The following CHRNA7 variants were observed in gnomAD, a reference collection of about 807,000 sequenced individuals.
CHRNA7 encodes cholinergic receptor nicotinic alpha 7 subunit, also known as neuronal acetylcholine receptor subunit alpha-7.
In CHRNA7, 17 loss-of-function variants were observed where a neutral mutation model predicts 48.0. That is an observed-to-expected ratio of 0.35 (90% CI 0.24 to 0.53). The LOEUF (loss-of-function observed/expected upper bound fraction) is 0.53, where lower values mean the gene tolerates loss of function less well. CHRNA7 is among the 20% of genes least tolerant of loss of function. The probability of loss-of-function intolerance (pLI) is 0.92; values close to 1 mark genes in which losing one functional copy is unlikely to be tolerated. For missense variants in CHRNA7, 155 were observed against 577.7 expected (o/e 0.27, Z 7.50); for synonymous variants, 75 against 242.3 (o/e 0.31, Z 6.41).
intron 3 of CHRNA7, among the ~76,000 whole-genome samples, chr15:32,105,393 ATGGAGGAGGAGTTGGAGGAGG>A (rs2050647709): frequency 6.7e-6 from 1 of 149,620 alleles, no homozygotes; most frequent in Non-Finnish European, 1.5e-5. Context: ...AGGAGGAAAA[ATGGAGGAGGAGTTGGAGGAGG>A]TGGAGGAGGA....
chr15:32,041,598 C>T (rs949958091), intron 2 of CHRNA7, among the ~76,000 whole-genome samples: 1 of 152,188 alleles, frequency 6.6e-6, no homozygotes, highest in African/African-American at 2.4e-5. Context: ...GTTGGGGAAC[C>T]CTGCTCTACT....
chr15:32,123,219 G>A (rs2051004106), intron 4 of CHRNA7, among the ~76,000 whole-genome samples: 1 of 152,198 alleles, frequency 6.6e-6, no homozygotes, highest in African/African-American at 2.4e-5. Flanking sequence ...AGAAGTAGAA[G>A]AAGTAACAGC....
At chr15:32,047,027 A>G (rs1271552628) in intron 2 of CHRNA7, among the ~76,000 whole-genome samples, 1 of 140,850 alleles carries the variant, frequency 7.1e-6, no homozygotes, top group Non-Finnish European at 1.5e-5. Flanking sequence ...CCATTGGTCT[A>G]TATCTCTGTT....
chr15:32,037,149 ATT>A (rs1902130500), intron 2 of CHRNA7, among the ~76,000 whole-genome samples: 1 of 152,058 alleles, frequency 6.6e-6, no homozygotes. Flanking sequence ...TTTGCATGTG[ATT>A]GTCCAGTTGT....
intron 2 of CHRNA7, among the ~76,000 whole-genome samples, chr15:32,095,129 A>G (rs949293641): frequency 1.3e-5 from 2 of 152,252 alleles, no homozygotes; most frequent in Non-Finnish European, 2.9e-5. Flanking sequence ...TGTGATATCT[A>G]TAGTTTTCAC....
intron 4 of CHRNA7, among the ~76,000 whole-genome samples, chr15:32,140,374 A>G (rs1451467673): frequency 1.3e-5 from 2 of 152,212 alleles, no homozygotes; most frequent in Non-Finnish European, 2.9e-5. Flanking sequence ...TAGTGCCGCA[A>G]TAAATATACG....
intron 4 of CHRNA7, among the ~76,000 whole-genome samples, chr15:32,118,107 A>C (rs1045177962): frequency 1.3e-5 from 2 of 152,138 alleles, no homozygotes. Flanking sequence ...ATAGGATATC[A>C]TGGGAATGGG....
chr15:32,066,582 A>T (rs1297268570), intron 2 of CHRNA7, among the ~76,000 whole-genome samples: 2 of 152,216 alleles, frequency 1.3e-5, no homozygotes, highest in African/African-American at 4.8e-5. Flanking sequence ...GCCCAGCCAC[A>T]TTGTAGTATT....
At chr15:32,071,388 T>C (rs1478983528) in intron 2 of CHRNA7, among the ~76,000 whole-genome samples, 2 of 152,248 alleles carry the variant, frequency 1.3e-5, no homozygotes, top group Non-Finnish European at 2.9e-5. Context: ...ATTATATTAT[T>C]TCAGTTTGTG....
chr15:32,119,337 T>C (rs2050927348), intron 4 of CHRNA7, among the ~76,000 whole-genome samples: 1 of 152,274 alleles, frequency 6.6e-6, no homozygotes, highest in Non-Finnish European at 1.5e-5. Context: ...TTAAGTAGTC[T>C]TTGACACACG....
intron 2 of CHRNA7, among the ~76,000 whole-genome samples, chr15:32,046,652 G>A (rs1008379409): frequency 6.6e-6 from 1 of 151,934 alleles, no homozygotes; most frequent in Admixed American, 6.6e-5. Context: ...TTCTTTTGCT[G>A]TGCAGAAGCT....
intron 2 of CHRNA7, among the ~76,000 whole-genome samples, chr15:32,064,850 G>A (rs576065272): frequency 2.0e-5 from 3 of 152,240 alleles, no homozygotes; most frequent in South Asian, 2.1e-4. Flanking sequence ...CCTCTTCTGA[G>A]AATAAAATGC....
chr15:32,052,120 A>C (rs1181622957), intron 2 of CHRNA7, among the ~76,000 whole-genome samples: 1 of 152,048 alleles, frequency 6.6e-6, no homozygotes, highest in Non-Finnish European at 1.5e-5. Context: ...GTATTCTCTC[A>C]GGGCTCCCCT....
intron 2 of CHRNA7, among the ~76,000 whole-genome samples, chr15:32,058,245 C>G (rs72713556): frequency 0.046 from 7,070 of 152,254 alleles, 245 homozygotes; most frequent in East Asian, 0.13. Context: ...CTTCCATGCA[C>G]AAAGCAGTTA....
intron 2 of CHRNA7, among the ~76,000 whole-genome samples, chr15:32,098,380 G>A (rs140721142): frequency 1.3e-4 from 20 of 152,280 alleles, no homozygotes; most frequent in Admixed American, 7.8e-4. Context: ...CTTGCCAGCC[G>A]GTCAAGGTCT....
At chr15:32,097,399 G>A (rs1388938896) in intron 2 of CHRNA7, among the ~76,000 whole-genome samples, 1 of 152,108 alleles carries the variant, frequency 6.6e-6, no homozygotes. Context: ...CCATGACGGT[G>A]CAGTCATGAT....
At chr15:32,039,575 C>T (rs2049411145) in intron 2 of CHRNA7, among the ~76,000 whole-genome samples, 1 of 152,054 alleles carries the variant, frequency 6.6e-6, no homozygotes, top group African/African-American at 2.4e-5. Flanking sequence ...TTTCAGTAAT[C>T]TTTCTGTTAC....
intron 2 of CHRNA7, among the ~76,000 whole-genome samples, chr15:32,089,556 A>G (rs550641771): frequency 0.016 from 315 of 19,322 alleles, 2 homozygotes; most frequent in Non-Finnish European, 0.022. Flanking sequence ...TTTCCTTGCA[A>G]TTCTTTCTGA....
chr15:32,123,947 A>G (rs2051018739), intron 4 of CHRNA7, among the ~76,000 whole-genome samples: 1 of 147,532 alleles, frequency 6.8e-6, no homozygotes, highest in African/African-American at 2.6e-5. Flanking sequence ...TTCTTCTCTA[A>G]CATGAGAAAA....
Sources: allele counts gnomAD v4.1 joint callset (sites outside exome capture counted in the v4.1 genomes callset), GRCh38; gene constraint gnomAD v4.1.1; transcripts MANE v1.5; gene names NCBI Gene and HGNC (gene_info 2026-07-23, HGNC 2026-07-21).